Variants in PASD1 observed in about 807,000 individuals in gnomAD.
PASD1 encodes the protein PAS domain containing repressor 1, also known as circadian clock protein PASD1.
In PASD1, 13 loss-of-function variants were observed where a neutral mutation model predicts 58.8. The ratio of observed to expected loss-of-function variants is 0.22; its 90% CI spans 0.14 to 0.35. The LOEUF is 0.35. Among genes scored for constraint, PASD1 ranks in the 10% least tolerant of loss-of-function variants. The pLI, the probability that PASD1 is intolerant of heterozygous loss-of-function variation, is 1.00. For synonymous variants in PASD1, 236 were observed against 216.7 expected (o/e 1.09, Z -0.78); for missense variants, 734 against 568.3 (o/e 1.29, Z -2.96).
chrX:151,565,761 T>C (rs1051834701), intron 1 of PASD1, among the ~76,000 whole-genome samples: 2 of 110,577 alleles, frequency 1.8e-5, no homozygotes, highest in Non-Finnish European at 3.8e-5. Flanking sequence ...GGTTTCACCA[T>C]GTTAGCCAGG....
chrX:151,577,287 A>T (rs1214500326), intron 1 of PASD1, among the ~76,000 whole-genome samples: 1 of 112,301 alleles, frequency 8.9e-6, no homozygotes, highest in Non-Finnish European at 1.9e-5. Context: ...TTGAAATTCC[A>T]TTTTGGGACC....
At chrX:151,612,285 G>A (rs185730767) in intron 4 of PASD1, among the ~76,000 whole-genome samples, 2,391 of 99,477 alleles carry the variant, frequency 0.024, 40 homozygotes, top group Middle Eastern at 0.029. Context: ...ATACGAGTGC[G>A]TGTGTCTTTA....
chrX:151,601,463 T>C (rs776562165), intron 1 of PASD1, 64 bp from the exon 2 acceptor site: 8 of 867,602 alleles, frequency 9.2e-6, no homozygotes, highest in South Asian at 2.3e-5. Context: ...ATTAGTCTTA[T>C]TGCTTTACTG....
intron 1 of PASD1, among the ~76,000 whole-genome samples, chrX:151,588,003 T>A (rs1167192784): frequency 8.9e-6 from 1 of 112,164 alleles, no homozygotes; most frequent in Non-Finnish European, 1.9e-5. Context: ...ATCATTACTG[T>A]CTACTTGAGA....
Position 151,620,933 on chromosome X carries a change from G to A in PASD1, c.211G>A (p.Glu71Lys), listed in dbSNP as rs2124270312. The change falls in exon 5 of 16, where the codon GAG becomes AAG. Residue 71 changes from glutamate to lysine, a missense_variant. Transcript: ENST00000370357. ...TCCTCCTCTCCTCTCCTGCCAGGCTGAGATTGTGGGCAAAAAATTATTAAG... is the reference window on the plus strand; with the variant it reads ...TCCTCCTCTCCTCTCCTGCCAGGCTAAGATTGTGGGCAAAAAATTATTAAG... The part of the protein sequence containing the change: ...ISSLLGHLPA[E>K]IVGKKLLSLL... The A allele has an allele frequency of 1.7e-6, 2 of 1,203,540 alleles. No homozygotes were observed. The highest frequency in any genetic ancestry group is 2.2e-6 in the Non-Finnish European group (2 of 889,999).
In PASD1 at chrX:151,625,544, T is replaced by C. The variant is rs369535517; in HGVS notation, c.629+14T>C. 2.3e-4 allele frequency: 260 copies of C among 1,132,387 alleles called. No individual in the cohort carries two copies. Among genetic ancestry groups the C allele is most frequent in the Non-Finnish European group, 3.1e-4 (256 of 831,739 alleles). 93.3% of individuals were successfully genotyped at this position (1,132,387 alleles called of 1,213,427 possible). A position where few individuals can be genotyped will look rare whatever the true frequency, so the allele number is the denominator to read the frequency against. Reference sequence around the variant, plus strand: ...GGGAGAGCTCAGGTGAGAGGTAGTATTGATAAAGCTAATGAAGATCTAGAA... The same window carrying C: ...GGGAGAGCTCAGGTGAGAGGTAGTACTGATAAAGCTAATGAAGATCTAGAA... On this transcript the variant is annotated intron_variant, in intron 8 of 15. Transcript: ENST00000370357.
chrX:151,635,578 A>C (rs770196426), intron 8 of PASD1, among the ~76,000 whole-genome samples: 4 of 112,283 alleles, frequency 3.6e-5, no homozygotes, highest in Admixed American at 1.9e-4. Context: ...CACTGTCCTC[A>C]ATATAGTTAC....
chrX:151,598,010 G>T (rs757929151), intron 1 of PASD1, among the ~76,000 whole-genome samples: 1 of 112,446 alleles, frequency 8.9e-6, no homozygotes, highest in South Asian at 3.7e-4. Context: ...GATTACAGGC[G>T]TGAGCCACTG....
At chrX:151,632,178 C>T (rs996024515) in intron 8 of PASD1, among the ~76,000 whole-genome samples, 1 of 110,457 alleles carries the variant, frequency 9.1e-6, no homozygotes, top group Admixed American at 9.7e-5. Flanking sequence ...AAGTTAAATA[C>T]TACTAGATTT....
At position 151,672,571 on chromosome X, in the gene PASD1, C is replaced by T. The variant is rs1160965754; in HGVS notation, c.1826C>T (p.Pro609Leu). The T allele has an allele frequency of 8.3e-7, 1 of 1,210,446 alleles. No homozygotes were observed. The highest frequency in any genetic ancestry group is 1.1e-6 in the Non-Finnish European group (1 of 895,377). Residue 609 changes from proline (P) to leucine (L), a missense_variant, in exon 14 of 16, where the codon CCC becomes CTC. By Grantham distance (98) the Pro-to-Leu change is moderately conservative (BLOSUM62 -3). Transcript: ENST00000370357. ...NHPVRFLQAQPIVPVQRAAEQ... is the reference protein window; with the variant it reads ...NHPVRFLQAQLIVPVQRAAEQ... ...CCTGTTAGATTTTTACAGGCCCAAC[C>T]CATTGTTCCTGTCCAGAGAGCAGCT...
chrX:151,676,303 T>C lies in PASD1; in HGVS notation c.*160T>C, dbSNP rs1206941031. The C allele has an allele frequency of 5.7e-6, 3 of 530,329 alleles. No individual in the cohort carries two copies. The highest frequency in any genetic ancestry group is 8.6e-6 in the Non-Finnish European group (3 of 348,941). The allele number at this position is 530,329 out of a possible 1,213,427, so 43.7% of individuals were successfully genotyped here. A position where few individuals can be genotyped will look rare whatever the true frequency, so the allele number is the denominator to read the frequency against. On this transcript the variant is annotated 3_prime_UTR_variant, in exon 16 of 16. Transcript: ENST00000370357. Reference sequence around the variant, plus strand: ...CTGATAGGTTATGTTTGTAATTGTTTGTTAAGCACAGCCTGTTTCTTGGAA... The same window carrying C: ...CTGATAGGTTATGTTTGTAATTGTTCGTTAAGCACAGCCTGTTTCTTGGAA...
chrX:151,667,542 T>G (rs1350939590), intron 11 of PASD1, among the ~76,000 whole-genome samples: 1 of 112,408 alleles, frequency 8.9e-6, no homozygotes, highest in Non-Finnish European at 1.9e-5. Flanking sequence ...TAATCCATCT[T>G]GAATTAATTT....
In PASD1 at chrX:151,636,394, T is replaced by TTTTC. The variant is rs1426144536; in HGVS notation, c.629+10876_629+10879dup. 3.6e-5 allele frequency among the ~76,000 whole-genome samples: 4 copies of TTTTC among 112,121 alleles called. No homozygotes were observed. The East Asian group carries it at 1.1e-3, about 31-fold the overall frequency. On this transcript the variant is annotated intron_variant, in intron 8 of 15. Transcript: ENST00000370357. ...GTCTTTCTGTGGATATGTATTTTCT[T>TTTTC]TTTCTTTCTTTCTTTTTTTTAATTT...
chrX:151,662,119 C>G (rs147462146), intron 10 of PASD1, among the ~76,000 whole-genome samples: 19 of 112,163 alleles, frequency 1.7e-4, no homozygotes, highest in Admixed American at 1.5e-3. Context: ...ACAGCAATTA[C>G]TTCTAATGCC....
At position 151,649,374 on chromosome X, in the gene PASD1, G is replaced by A. The variant is rs753842820; in HGVS notation, c.717+672G>A. 2.7e-5 allele frequency among the ~76,000 whole-genome samples: 3 copies of A among 111,939 alleles called. No individual in the cohort carries two copies. The South Asian group carries it at 1.1e-3, about 43-fold the overall frequency. On this transcript the variant is annotated intron_variant, in intron 9 of 15. Transcript: ENST00000370357. ...AGTGCTACAGAGAGAAAACATGACCGAGACATCAGAAGACAAGGGTTTGAT... is the reference window on the plus strand; with the variant it reads ...AGTGCTACAGAGAGAAAACATGACCAAGACATCAGAAGACAAGGGTTTGAT...
chrX:151,576,744 T>G (rs1396025512), intron 1 of PASD1, among the ~76,000 whole-genome samples: 1 of 112,173 alleles, frequency 8.9e-6, no homozygotes, highest in Non-Finnish European at 1.9e-5. Flanking sequence ...AGAAATGAAC[T>G]TTAATGTTAA....
At chrX:151,628,099 A>T (rs1326737569) in intron 8 of PASD1, among the ~76,000 whole-genome samples, 1 of 110,693 alleles carries the variant, frequency 9.0e-6, no homozygotes. Flanking sequence ...TAGATTCTGG[A>T]TATTAGCCCT....
At chrX:151,594,162 A>G (rs1231764015) in intron 1 of PASD1, among the ~76,000 whole-genome samples, 1 of 109,952 alleles carries the variant, frequency 9.1e-6, no homozygotes, top group African/African-American at 3.3e-5. Flanking sequence ...TTTAGTAGAG[A>G]CCGGGTTTCA....
chrX:151,664,849 C>T (rs16996063), intron 11 of PASD1, among the ~76,000 whole-genome samples: 2,938 of 111,234 alleles, frequency 0.026, 94 homozygotes, highest in African/African-American at 0.09. Context: ...AACCTTGAAA[C>T]ATCAGTACCA....
Sources: allele counts gnomAD v4.1 joint callset (sites outside exome capture counted in the v4.1 genomes callset), GRCh38; gene constraint gnomAD v4.1.1; transcripts MANE v1.5; gene names NCBI Gene and HGNC (gene_info 2026-07-23, HGNC 2026-07-21).